The following ZCCHC7 variants were observed in gnomAD, a reference collection of about 807,000 sequenced individuals.
The protein encoded by ZCCHC7 is zinc finger CCHC domain-containing protein 7.
In ZCCHC7, 35 loss-of-function variants were observed where a neutral mutation model predicts 52.0. The observed-to-expected ratio is 0.67, with a 90% CI of 0.51 to 0.89. The LOEUF (loss-of-function observed/expected upper bound fraction) is 0.89, where lower values mean the gene tolerates loss of function less well. ZCCHC7 is among the 40% of genes least tolerant of loss of function. The pLI is 0.00. For missense variants in ZCCHC7, 574 were observed against 649.1 expected, an observed-to-expected ratio of 0.88 and a Z score of 1.26; for synonymous variants, 217 against 221.5, an observed-to-expected ratio of 0.98 and a Z score of 0.18.
intron 2 of ZCCHC7, among the ~76,000 whole-genome samples, chr9:37,157,818 G>T (rs117816067): frequency 6.6e-6 from 1 of 152,262 alleles, no homozygotes; most frequent in South Asian, 2.1e-4. Flanking sequence ...TGTGGAGATT[G>T]GGAACCTGTG....
intron 2 of ZCCHC7, among the ~76,000 whole-genome samples, chr9:37,199,131 C>G (rs1176067444): frequency 6.6e-6 from 1 of 152,050 alleles, no homozygotes; most frequent in Non-Finnish European, 1.5e-5. Context: ...CCAATGAAAA[C>G]ATGCCCCAGA....
chr9:37,173,105 A>G (rs1821830684), intron 2 of ZCCHC7, among the ~76,000 whole-genome samples: 2 of 150,694 alleles, frequency 1.3e-5, no homozygotes, highest in African/African-American at 4.9e-5. Flanking sequence ...TGGCCATTCC[A>G]ATAGGGACTC....
intron 7 of ZCCHC7, among the ~76,000 whole-genome samples, chr9:37,352,947 G>T (rs184599262): frequency 8.5e-4 from 129 of 152,106 alleles, no homozygotes; most frequent in African/African-American, 2.6e-3. Flanking sequence ...ATAGCAGAAG[G>T]ATGGAAATGA....
intron 2 of ZCCHC7, among the ~76,000 whole-genome samples, chr9:37,182,289 T>G (rs1227436414): frequency 6.6e-6 from 1 of 152,214 alleles, no homozygotes; most frequent in Non-Finnish European, 1.5e-5. Context: ...ATTTATCTAT[T>G]AGCATTATTT....
At chr9:37,146,891 T>C (rs1843460638) in intron 2 of ZCCHC7, among the ~76,000 whole-genome samples, 1 of 151,896 alleles carries the variant, frequency 6.6e-6, no homozygotes, top group Non-Finnish European at 1.5e-5. Flanking sequence ...TTGTGGGTAC[T>C]TATATTGATT....
At chr9:37,256,068 C>T (rs1225084459) in intron 2 of ZCCHC7, among the ~76,000 whole-genome samples, 2 of 152,102 alleles carry the variant, frequency 1.3e-5, no homozygotes, top group Non-Finnish European at 2.9e-5. Flanking sequence ...CCAGCATTTA[C>T]CTGATGAAAT....
intron 6 of ZCCHC7, among the ~76,000 whole-genome samples, chr9:37,342,032 G>A (rs761743373): frequency 6.6e-6 from 1 of 152,168 alleles, no homozygotes; most frequent in Non-Finnish European, 1.5e-5. Context: ...TGATTTGCAG[G>A]CTATAAGGAT....
At chr9:37,307,830 A>G (rs895247714) in intron 5 of ZCCHC7, among the ~76,000 whole-genome samples, 1 of 152,162 alleles carries the variant, frequency 6.6e-6, no homozygotes, top group Admixed American at 6.5e-5. Context: ...TTATACTTAA[A>G]TTGTTACCCA....
intron 5 of ZCCHC7, among the ~76,000 whole-genome samples, chr9:37,320,891 G>C (rs1355557832): frequency 6.6e-6 from 1 of 151,986 alleles, no homozygotes. Flanking sequence ...GTTAACTAAG[G>C]TGAATTAGGA....
intron 3 of ZCCHC7, among the ~76,000 whole-genome samples, chr9:37,302,838 A>G (rs987724660): frequency 6.6e-6 from 1 of 152,216 alleles, no homozygotes; most frequent in Non-Finnish European, 1.5e-5. Context: ...GATTTAGATT[A>G]GAATATGGGA....
chr9:37,233,309 A>G (rs978301656), intron 2 of ZCCHC7, among the ~76,000 whole-genome samples: 2 of 152,184 alleles, frequency 1.3e-5, no homozygotes, highest in African/African-American at 4.8e-5. Context: ...AATAATACCA[A>G]ATGCTGTCAT....
intron 2 of ZCCHC7, among the ~76,000 whole-genome samples, chr9:37,156,214 G>A (rs1021087292): frequency 3.3e-5 from 5 of 152,244 alleles, no homozygotes; most frequent in Admixed American, 2.6e-4. Flanking sequence ...CCACATTTTT[G>A]TGAACATTTA....
intron 2 of ZCCHC7, among the ~76,000 whole-genome samples, chr9:37,160,471 T>C (rs557342394): frequency 6.6e-6 from 1 of 152,184 alleles, no homozygotes; most frequent in East Asian, 1.9e-4. Flanking sequence ...TAAGCTAGGA[T>C]TGCACCATGG....
intron 6 of ZCCHC7, among the ~76,000 whole-genome samples, chr9:37,336,211 G>A (rs1257686468): frequency 1.3e-5 from 2 of 152,036 alleles, no homozygotes; most frequent in Non-Finnish European, 2.9e-5. Context: ...ATAAGAGCTG[G>A]GTCAGTTCTG....
chr9:37,126,509 T>A lies in ZCCHC7; in HGVS notation c.177T>A (p.Ser59=), dbSNP rs1415670162. Residue 59 remains serine, a synonymous_variant, in exon 2 of 9, where the codon TCT becomes TCA. Coordinates refer to ENST00000336755, the MANE Select transcript of ZCCHC7 (RefSeq NM_032226.3). ...IREEEHEEKN[S]GNSESSSSKP... ...AGGAAGAGCATGAAGAAAAGAACTC[T>A]GGGAATTCGGAATCTTCGAGTAGTA... 3 of 1,613,700 alleles carry A rather than the reference T, an allele frequency of 1.9e-6. No homozygotes were observed. The African/African-American group carries it at 4.0e-5, about 22-fold the overall frequency.
intron 2 of ZCCHC7, among the ~76,000 whole-genome samples, chr9:37,146,342 T>G (rs959420017): frequency 2.0e-5 from 3 of 151,928 alleles, no homozygotes; most frequent in Non-Finnish European, 4.4e-5. Flanking sequence ...GATATTTGTG[T>G]ATCCAATTTT....
At chr9:37,286,457 A>G (rs917841123) in intron 2 of ZCCHC7, among the ~76,000 whole-genome samples, 8 of 152,148 alleles carry the variant, frequency 5.3e-5, no homozygotes, top group African/African-American at 1.7e-4. Context: ...CAGGAGCTTG[A>G]GACCAGCCTG....
intron 2 of ZCCHC7, among the ~76,000 whole-genome samples, chr9:37,152,577 A>G (rs1820589453): frequency 6.6e-6 from 1 of 151,834 alleles, no homozygotes; most frequent in Admixed American, 6.6e-5. Flanking sequence ...AGTTTTGAGG[A>G]ATGTTAGGTA....
intron 2 of ZCCHC7, among the ~76,000 whole-genome samples, chr9:37,277,292 T>C (rs946899396): frequency 7.9e-5 from 12 of 152,192 alleles, no homozygotes; most frequent in African/African-American, 2.9e-4. Flanking sequence ...ATTTAGTACA[T>C]AAAATCTAAA....
Sources: allele counts gnomAD v4.1 joint callset (sites outside exome capture counted in the v4.1 genomes callset), GRCh38; gene constraint gnomAD v4.1.1; transcripts MANE v1.5; gene names NCBI Gene and HGNC (gene_info 2026-07-23, HGNC 2026-07-21).